The following CD99 variants were observed in gnomAD, a reference collection of about 807,000 sequenced individuals.
The protein encoded by CD99 is CD99 antigen.
Under a neutral mutation model 28.4 loss-of-function variants are expected in CD99, and 19 were observed. The ratio of observed to expected loss-of-function variants is 0.67; its 90% confidence interval spans 0.47 to 0.98. The LOEUF (loss-of-function observed/expected upper bound fraction) is 0.98. Among genes scored for constraint, CD99 ranks in the 50% least tolerant of loss-of-function variants. CD99 has a pLI of 0.00. For missense variants in CD99, 283 were observed against 248.8 expected, an observed-to-expected ratio of 1.14 and a Z score of -0.92; for synonymous variants, 103 against 92.1, an observed-to-expected ratio of 1.12 and a Z score of -0.67.
chrX:2,735,911 T>A (rs2049906304), intron 8 of CD99, among the ~76,000 whole-genome samples: 1 of 152,008 alleles, frequency 6.6e-6, no homozygotes, highest in African/African-American at 2.4e-5. Flanking sequence ...TCATTAAAAG[T>A]TACGCTGCTG....
intron 8 of CD99, chrX:2,733,706 T>A: frequency 2.4e-6 from 1 of 410,720 alleles, no homozygotes; most frequent in Non-Finnish European, 4.4e-6. Flanking sequence ...GTTTTGTCCC[T>A]AAGTCCATCC....
At chrX:2,735,179 G>T (rs2124290840) in intron 8 of CD99, among the ~76,000 whole-genome samples, 1 of 152,246 alleles carries the variant, frequency 6.6e-6, no homozygotes, top group South Asian at 2.1e-4. Flanking sequence ...TGATCCTCAG[G>T]TATATGGTCT....
intron 1 of CD99, among the ~76,000 whole-genome samples, chrX:2,713,996 G>A (rs1366946184): frequency 1.3e-5 from 2 of 152,060 alleles, no homozygotes; most frequent in Non-Finnish European, 2.9e-5. Flanking sequence ...TAATGCACGT[G>A]TCTTTCTGGG....
intron 6 of CD99, among the ~76,000 whole-genome samples, chrX:2,723,107 C>G (rs1295237320): frequency 2.0e-5 from 3 of 152,090 alleles, no homozygotes; most frequent in Non-Finnish European, 4.4e-5. Context: ...TCAGAGTACC[C>G]CTAGAGTGTA....
chrX:2,723,210 C>T (rs1485606436), intron 6 of CD99, 104 bp from the exon 7 acceptor site: 2 of 1,141,130 alleles, frequency 1.8e-6, no homozygotes, highest in East Asian at 2.3e-5. Flanking sequence ...ACATGTACCC[C>T]CGTAGAGTGT....
intron 7 of CD99, 67 bp from the exon 8 acceptor site, chrX:2,726,193 C>A: frequency 1.1e-6 from 1 of 943,654 alleles, no homozygotes. Flanking sequence ...CTGCCAGCCA[C>A]TGCCCCCTGG....
At position 2,727,818 on chromosome X, in the gene CD99, G is replaced by A. The variant is rs543334283; in HGVS notation, c.475+1445G>A. On this transcript the variant is annotated intron_variant, in intron 8 of 9. Coordinates refer to ENST00000381192, the MANE Select transcript of CD99 (RefSeq NM_002414.5). ...TGGAGGAGCCCCTGGGGTCCCTCAC[G>A]CCTCTGGGTGTCTGAACTTCTCACC... Among the ~76,000 whole-genome samples, 18 of 152,272 alleles carry A rather than the reference G, an allele frequency of 1.2e-4. 2 individuals are homozygous for A. Among genetic ancestry groups the A allele is most frequent in the South Asian group, 4.1e-4 (2 of 4,824 alleles).
chrX:2,719,398 T>C (rs1051816127), intron 3 of CD99: 5 of 472,316 alleles, frequency 1.1e-5, no homozygotes, highest in South Asian at 4.3e-5. Flanking sequence ...TCTCTCTCTC[T>C]CCCCACTGCC....
chrX:2,716,023 T>A (rs1444430182), intron 2 of CD99, among the ~76,000 whole-genome samples: 2 of 151,466 alleles, frequency 1.3e-5, no homozygotes, highest in African/African-American at 4.8e-5. Flanking sequence ...TTCATTTTTT[T>A]TTTTTTTTTT....
At chrX:2,732,715 C>G (rs1176634990) in intron 8 of CD99, among the ~76,000 whole-genome samples, 6 of 145,274 alleles carry the variant, frequency 4.1e-5, no homozygotes, top group African/African-American at 1.5e-4. Context: ...TTTCTTTTTT[C>G]TCTCTTCTTT....
chrX:2,733,675 G>T (rs2049792717), intron 8 of CD99: 1 of 492,066 alleles, frequency 2.0e-6, no homozygotes, highest in Non-Finnish European at 3.6e-6. Flanking sequence ...AAACAGGGCA[G>T]TGACTTCCAT....
intron 1 of CD99, among the ~76,000 whole-genome samples, chrX:2,694,259 G>C (rs2047467803): frequency 6.6e-6 from 1 of 151,588 alleles, no homozygotes; most frequent in African/African-American, 2.4e-5. Flanking sequence ...CGCCCCAGTA[G>C]AGCAAGTGTG....
At chrX:2,701,938 C>T (rs1031586491) in intron 1 of CD99, among the ~76,000 whole-genome samples, 2 of 152,192 alleles carry the variant, frequency 1.3e-5, no homozygotes, top group African/African-American at 4.8e-5. Flanking sequence ...GTTGACCACA[C>T]GTTTGCATCA....
chrX:2,691,815 C>T, intron 1 of CD99: 3 of 776,150 alleles, frequency 3.9e-6, no homozygotes, highest in Non-Finnish European at 7.2e-6. Flanking sequence ...CTTCAGGCCG[C>T]GCGCGGAGGC....
At position 2,699,008 on chromosome X, in the gene CD99, C is replaced by T. The variant is rs753505421; in HGVS notation, c.67+7581C>T. On this transcript the variant is annotated intron_variant, in intron 1 of 9. Transcript: ENST00000381192. The stretch of plus-strand genomic sequence containing the variant: ...GTGGTACAGTCATAGCTCACTGCAG[C>T]CTCAACCTCCTGGGTTCAAGCAGCC... Among the ~76,000 whole-genome samples, 259 of 151,844 alleles carry T rather than the reference C, an allele frequency of 1.7e-3. 1 individual carries two copies. The South Asian group carries it at 0.018, about 11-fold the overall frequency.
At chrX:2,694,099 C>G (rs1300862094) in intron 1 of CD99, among the ~76,000 whole-genome samples, 1 of 152,162 alleles carries the variant, frequency 6.6e-6, no homozygotes, top group Non-Finnish European at 1.5e-5. Flanking sequence ...AGTAGAGTCG[C>G]ACACATCCGA....
chrX:2,717,573 C>G, intron 2 of CD99, 32 bp from the exon 3 acceptor site: 2 of 1,587,962 alleles, frequency 1.3e-6, no homozygotes, highest in South Asian at 2.2e-5. Flanking sequence ...CCAGCTGCAA[C>G]TTTTACTAAC....
At chrX:2,719,113 C>T (rs1447971645) in intron 3 of CD99, 1 of 153,724 alleles carries the variant, frequency 6.5e-6, no homozygotes, top group Non-Finnish European at 1.4e-5. Context: ...AATCATTCTT[C>T]ATACTAGAAG....
At chrX:2,733,429 T>C in intron 8 of CD99, 4 of 1,548,844 alleles carry the variant, frequency 2.6e-6, no homozygotes, top group Non-Finnish European at 3.5e-6. Context: ...AATCGTTTTA[T>C]CTGCTAAGAC....
Sources: allele counts gnomAD v4.1 joint callset (sites outside exome capture counted in the v4.1 genomes callset), GRCh38; gene constraint gnomAD v4.1.1; transcripts MANE v1.5; gene names NCBI Gene and HGNC (gene_info 2026-07-23, HGNC 2026-07-21).